ZNF687: variants seen among roughly 807,000 people sequenced by gnomAD.
The protein encoded by ZNF687 is zinc finger protein 687.
A neutral mutation model predicts 71.8 loss-of-function variants in ZNF687; 13 were observed. The ratio of observed to expected loss-of-function variants is 0.18; its 90% CI spans 0.12 to 0.29. The LOEUF is 0.29. Among genes scored for constraint, ZNF687 ranks in the 10% least tolerant of loss-of-function variants. The pLI, the probability that ZNF687 is intolerant of heterozygous loss-of-function variation, is 1.00. For synonymous variants in ZNF687, 673 were observed against 641.6 expected (o/e 1.05, Z -0.74); for missense variants, 1,412 against 1,625.6 (o/e 0.87, Z 2.26).
Position 151,286,779 on chromosome 1 carries a change from T to G in ZNF687, c.488T>G (p.Phe163Cys). ...GAAGGCAAAACTCCCTTGGACCTGT[T>G]TGCTCATTTTGGCCCTGAGCCAGGG... ...GMEGKTPLDL[F>C]AHFGPEPGDH... The change falls in exon 2 of 9, where the codon TTT (phenylalanine) becomes TGT (cysteine). Residue 163 changes from phenylalanine to cysteine, a missense_variant. This residue lies in a region of ZNF687 where 490 missense variants were observed against 489.9 expected (regional missense o/e 1.00). Coordinates refer to ENST00000336715, the MANE Select transcript of ZNF687 (RefSeq NM_020832.3). 6.2e-7 allele frequency: 1 copy of G among 1,614,218 alleles called. No individual in the cohort carries two copies. The highest frequency in any genetic ancestry group is 8.5e-7 in the Non-Finnish European group (1 of 1,180,022).
At chr1:151,282,200 C>T, upstream of ZNF687, 1 of 1,064,762 alleles carries the variant, frequency 9.4e-7, no homozygotes, top group Non-Finnish European at 1.2e-6. Flanking sequence ...CAGGGCTGAG[C>T]GACGGGGGCA....
chr1:151,283,761 G>T, intron 1 of ZNF687: 1 of 917,372 alleles, frequency 1.1e-6, no homozygotes, highest in Non-Finnish European at 1.3e-6. Flanking sequence ...GAATTGAATA[G>T]GGTGGGGGTG....
chr1:151,286,142 G>A (rs977521695), intron 1 of ZNF687, 133 bp from the exon 2 acceptor site: 15 of 667,028 alleles, frequency 2.2e-5, no homozygotes, highest in Middle Eastern at 4.2e-4. Flanking sequence ...GATTCATGCC[G>A]TGGCGGAGGT....
upstream of ZNF687, chr1:151,281,850 G>A (rs1282543722): frequency 7.7e-6 from 3 of 391,186 alleles, no homozygotes; most frequent in Non-Finnish European, 1.5e-5. Flanking sequence ...TCTGCTCTCA[G>A]TGCCCACCAC....
Position 151,290,415 on chromosome 1 carries a change from G to A in ZNF687, c.3078-17G>A. ...CGGGCTGTGCCGCTGCTGCCATCCTGTCCTCTCCCATTTCAGGTATTGCAC... is the reference window on the plus strand; with the variant it reads ...CGGGCTGTGCCGCTGCTGCCATCCTATCCTCTCCCATTTCAGGTATTGCAC... On this transcript the variant is annotated splice_polypyrimidine_tract_variant and intron_variant, in intron 7 of 8. Transcript: ENST00000336715. The A allele has an allele frequency of 1.2e-6, 2 of 1,613,736 alleles. No individual in the cohort carries two copies. The highest frequency in any genetic ancestry group is 1.7e-6 in the Non-Finnish European group (2 of 1,180,006).
rs1256906045 is a variant in ZNF687, at chr1:151,288,095, G to A, written c.1804G>A (p.Val602Ile). 3.7e-6 allele frequency: 6 copies of A among 1,613,898 alleles called. No individual in the cohort carries two copies. The African/African-American group carries it at 8.0e-5, about 22-fold the overall frequency. ...MQCSHLVMRPVALDQMVGQPD... is the reference protein window; with the variant it reads ...MQCSHLVMRPIALDQMVGQPD... ...GTGCTCACATTTGGTCATGAGGCCT[G>A]TAGCCCTTGACCAGATGGTGGGGCA... The change falls in exon 2 of 9, where the codon GTA (valine) becomes ATA (isoleucine). Residue 602 changes from valine to isoleucine, a missense_variant. Val to Ile is a conservative substitution (Grantham distance 29, BLOSUM62 3). Around this residue, in one of 8 missense-constraint regions of ZNF687, gnomAD observed 207 missense variants for 239.2 expected, o/e 0.87. Coordinates refer to ENST00000336715, the MANE Select transcript of ZNF687 (RefSeq NM_020832.3).
intron 1 of ZNF687, among the ~76,000 whole-genome samples, chr1:151,283,609 A>G (rs1693823135): frequency 6.6e-6 from 1 of 152,142 alleles, no homozygotes; most frequent in Non-Finnish European, 1.5e-5. Flanking sequence ...GTTTTCTCCT[A>G]GTCCCCGCTG....
At chr1:151,289,038 G>C (rs1446347190) in intron 3 of ZNF687, 57 bp from the exon 4 acceptor site, 8 of 1,566,190 alleles carry the variant, frequency 5.1e-6, no homozygotes, top group Non-Finnish European at 7.0e-6. Flanking sequence ...GTATGGTCCC[G>C]GGGTGGGCAT....
chr1:151,282,155 T>G (rs762013267), upstream of ZNF687: 28 of 1,182,378 alleles, frequency 2.4e-5, no homozygotes, highest in Admixed American at 3.2e-5. Flanking sequence ...AGCGGCAGTA[T>G]TTAGGGCCAA....
chr1:151,283,905 C>T, intron 1 of ZNF687: 2 of 985,276 alleles, frequency 2.0e-6, no homozygotes, highest in Non-Finnish European at 2.4e-6. Context: ...TGGGAAATGG[C>T]CTGCAACCTG....
At position 151,286,473 on chromosome 1, in the gene ZNF687, A is replaced by T. The variant is rs1693949791; in HGVS notation, c.182A>T (p.Asp61Val). Residue 61 changes from aspartate to valine, a missense_variant, in exon 2 of 9, where the codon GAT (aspartate) becomes GTT (valine). Transcript: ENST00000336715. ...GACACAGCAGCAGCCTCTGCTGGGG[A>T]TGGCCCTGGAGTTCCAGCCCAGGCC... Reference protein sequence around the residue: ...SEDTAAASAGDGPGVPAQASD... With the variant: ...SEDTAAASAGVGPGVPAQASD... 1 of 1,613,854 alleles carries T rather than the reference A, an allele frequency of 6.2e-7. No homozygotes were observed. The highest frequency in any genetic ancestry group is 1.7e-5 in the Admixed American group (1 of 59,990).
chr1:151,284,913 G>T (rs2101864319), intron 1 of ZNF687, among the ~76,000 whole-genome samples: 1 of 148,378 alleles, frequency 6.7e-6, no homozygotes, highest in Middle Eastern at 3.5e-3. Context: ...GGGCTCAGGG[G>T]ATCCTCCCAT....
In ZNF687 at chr1:151,282,359, G is replaced by A. The variant is rs1693745432; in HGVS notation, c.-54G>A. 3 of 994,608 alleles carry A rather than the reference G, an allele frequency of 3.0e-6. No homozygotes were observed. The highest frequency in any genetic ancestry group is 4.1e-5 in the South Asian group (1 of 24,348). 61.6% of individuals were successfully genotyped at this position (994,608 alleles called of 1,614,324 possible). A position where few individuals can be genotyped will look rare whatever the true frequency, so the allele number is the denominator to read the frequency against. ...GCTGCAGCGGCTGGAGCGGGGTAGA[G>A]ACCGCCGGGTCTCGGCCCGCACCAG... On this transcript the variant is annotated 5_prime_UTR_variant, in exon 1 of 9. Coordinates refer to ENST00000336715, the MANE Select transcript of ZNF687 (RefSeq NM_020832.3).
intron 8 of ZNF687, 55 bp from the exon 9 acceptor site, chr1:151,290,660 G>A (rs779623615): frequency 6.3e-7 from 1 of 1,578,882 alleles, no homozygotes; most frequent in Admixed American, 1.8e-5. Flanking sequence ...GAGCATGGGG[G>A]TGCCAGGGAC....
rs752536183 is a variant in ZNF687 at position 151,290,510 on chromosome 1, G to T, written c.3156G>T (p.Gln1052His). Residue 1052 changes from glutamine (Q) to histidine (H), a missense_variant, in exon 8 of 9, where the codon CAG (glutamine) becomes CAT (histidine). Physicochemically the swap from Gln to His is conservative, Grantham distance 24. Coordinates refer to ENST00000336715, the MANE Select transcript of ZNF687 (RefSeq NM_020832.3). ...ATGTCCAGGTCCGGCACGGCTTGCAGCTTGGGGCCCAGTCCCCTGGCCGGG... is the reference window on the plus strand; with the variant it reads ...ATGTCCAGGTCCGGCACGGCTTGCATCTTGGGGCCCAGTCCCCTGGCCGGG... ...EKHVQVRHGL[Q>H]LGAQSPGRGT... 8 of 1,613,818 alleles carry T rather than the reference G, an allele frequency of 5.0e-6. No individual in the cohort carries two copies. The Admixed American group carries it at 1.0e-4, about 20-fold the overall frequency.
chr1:151,289,312 G>T, intron 4 of ZNF687, 41 bp downstream of exon 4: 2 of 1,612,770 alleles, frequency 1.2e-6, no homozygotes, highest in Non-Finnish European at 1.7e-6. Flanking sequence ...AGGGAGGGCT[G>T]GTGGGGCGCA....
rs889533154 is a variant in ZNF687, at chr1:151,287,790, C to T, written c.1499C>T (p.Ala500Val). Reference protein sequence around the residue: ...ISRTQSSLVEAFNKILNSKNL... With the variant: ...ISRTQSSLVEVFNKILNSKNL... Reference sequence around the variant, plus strand: ...CGGACCCAGTCCAGCCTGGTGGAGGCCTTCAACAAGATCCTCAACAGCAAG... The same window carrying T: ...CGGACCCAGTCCAGCCTGGTGGAGGTCTTCAACAAGATCCTCAACAGCAAG... The change falls in exon 2 of 9, where the codon GCC becomes GTC. Residue 500 changes from alanine to valine, a missense_variant. Around this residue, in one of 8 missense-constraint regions of ZNF687, gnomAD observed 133 missense variants for 155.1 expected, o/e 0.86. Transcript: ENST00000336715. The surrounding 1 kb of genome is among the most constrained non-coding windows in gnomAD (Gnocchi z 5.0). The T allele has an allele frequency of 6.2e-7, 1 of 1,614,066 alleles. No homozygotes were observed. The highest frequency in any genetic ancestry group is 8.5e-7 in the Non-Finnish European group (1 of 1,180,018).
At position 151,291,252 on chromosome 1, in the gene ZNF687, TG is replaced by T; in HGVS notation, c.*45del. 1 of 1,548,002 alleles carries T rather than the reference TG, an allele frequency of 6.5e-7. No homozygotes were observed. Among genetic ancestry groups the T allele is most frequent in the Non-Finnish European group, 8.7e-7 (1 of 1,146,698 alleles). ...TGACCAGCCCCTTCCTCTTGGAGCC[TG>T]GTTTTCCCTACTGCTGCCTGATCCC... On this transcript the variant is annotated 3_prime_UTR_variant, in exon 9 of 9. Coordinates refer to ENST00000336715, the MANE Select transcript of ZNF687 (RefSeq NM_020832.3).
upstream of ZNF687, chr1:151,281,895 A>G: frequency 1.6e-6 from 1 of 634,650 alleles, no homozygotes; most frequent in Non-Finnish European, 2.4e-6. Context: ...GCGAAAGTGA[A>G]CTGCAGCTTC....
Sources: gnomAD v4.1 joint callset for allele counts (sites outside exome capture counted in the v4.1 genomes callset) on GRCh38, gnomAD v4.1.1 for gene constraint, gnomAD v4.1.1 regional missense constraint, Gnocchi (gnomAD v3.1) non-coding constraint, MANE v1.5 for transcripts, NCBI Gene and HGNC (gene_info 2026-07-23, HGNC 2026-07-21) for gene names.